The following PDS5B variants were observed in gnomAD, a reference collection of about 807,000 sequenced individuals.
PDS5B encodes PDS5 cohesin associated factor B.
In PDS5B, 51 loss-of-function variants were observed where a neutral mutation model predicts 184.1. That is an observed-to-expected ratio of 0.28 (90% CI 0.22 to 0.35). The LOEUF (loss-of-function observed/expected upper bound fraction) is 0.35, where lower values mean the gene tolerates loss of function less well. PDS5B is among the 10% of genes least tolerant of loss of function. The pLI, the probability that PDS5B is intolerant of heterozygous loss-of-function variation, is 1.00. For synonymous variants in PDS5B, 566 were observed against 569.2 expected, an observed-to-expected ratio of 0.99 and a Z score of 0.08; for missense variants, 1,180 against 1,723.3, an observed-to-expected ratio of 0.68 and a Z score of 5.58.
Position 32,678,693 on chromosome 13 carries a change from T to A in PDS5B, c.963-142T>A, listed in dbSNP as rs1208185144. 1.0e-5 allele frequency: 6 copies of A among 585,574 alleles called. No homozygotes were observed. In the African/African-American group the frequency reaches 1.1e-4, roughly 11 times the overall value. 36.3% of individuals were successfully genotyped at this position (585,574 alleles called of 1,614,324 possible). ...AGACATACATGTATATCAGAAACTT[T>A]GTAAAATGGTTTGGTTCTACTTTGC... On this transcript the variant is annotated intron_variant, in intron 9 of 34. Coordinates refer to ENST00000315596, the MANE Select transcript of PDS5B (RefSeq NM_015032.4).
At chr13:32,604,225 CTCT>C (rs1393526295) in intron 1 of PDS5B, among the ~76,000 whole-genome samples, 1 of 152,106 alleles carries the variant, frequency 6.6e-6, no homozygotes, top group Non-Finnish European at 1.5e-5. Flanking sequence ...TCATAAATAG[CTCT>C]TCTTATTGTG....
intron 6 of PDS5B, among the ~76,000 whole-genome samples, chr13:32,663,494 AAGAC>A (rs753072084): frequency 6.6e-6 from 1 of 152,198 alleles, no homozygotes; most frequent in Non-Finnish European, 1.5e-5. Context: ...ATCAAAGAGA[AAGAC>A]AAATTTTAAT....
At chr13:32,686,463 A>C (rs1951393835) in intron 11 of PDS5B, among the ~76,000 whole-genome samples, 1 of 152,154 alleles carries the variant, frequency 6.6e-6, no homozygotes, top group South Asian at 2.1e-4. Flanking sequence ...GGGTTTATCC[A>C]TTTAATTCTG....
chr13:32,749,504 ATTAC>A (rs1042742810), intron 24 of PDS5B, among the ~76,000 whole-genome samples: 20 of 150,764 alleles, frequency 1.3e-4, no homozygotes, highest in African/African-American at 3.2e-4. Context: ...TAATTTAATA[ATTAC>A]TTAGATATTT....
At chr13:32,713,268 A>G (rs1298864433) in intron 19 of PDS5B, among the ~76,000 whole-genome samples, 1 of 152,218 alleles carries the variant, frequency 6.6e-6, no homozygotes, top group African/African-American at 2.4e-5. Flanking sequence ...GTCATCCGGG[A>G]GATGCTAACT....
intron 1 of PDS5B, among the ~76,000 whole-genome samples, chr13:32,625,869 G>T (rs890310558): frequency 2.1e-5 from 3 of 145,416 alleles, no homozygotes; most frequent in African/African-American, 7.7e-5. Context: ...ACAGGGTCTC[G>T]CTTTGTTGCC....
Position 32,759,701 on chromosome 13 carries a change from A to C in PDS5B, c.3372+11A>C. 6.8e-7 allele frequency: 1 copy of C among 1,472,376 alleles called. No homozygotes were observed. The highest frequency in any genetic ancestry group is 9.4e-7 in the Non-Finnish European group (1 of 1,065,226). The allele number at this position is 1,472,376 out of a possible 1,614,324, so 91.2% of individuals were successfully genotyped here. A position where few individuals can be genotyped will look rare whatever the true frequency, so the allele number is the denominator to read the frequency against. On this transcript the variant is annotated intron_variant, in intron 29 of 34. Transcript: ENST00000315596. ...TTCACTCCTGGAAAAGTATGTTTTG[A>C]GAATCATTTTAATTTTTATGTGGTA...
chr13:32,719,472 C>T (rs972056558), intron 19 of PDS5B, among the ~76,000 whole-genome samples: 1 of 151,712 alleles, frequency 6.6e-6, no homozygotes, highest in African/African-American at 2.4e-5. Flanking sequence ...CATGAGCCAC[C>T]ATGCCTGGCC....
At chr13:32,745,913 T>C (rs1266080244) in intron 23 of PDS5B, 64 bp from the exon 24 acceptor site, 3 of 1,286,032 alleles carry the variant, frequency 2.3e-6, no homozygotes, top group Non-Finnish European at 3.3e-6. Context: ...TAAAATTAGA[T>C]GTACAGAAGA....
intron 15 of PDS5B, 71 bp downstream of exon 15, chr13:32,696,973 A>C: frequency 2.1e-6 from 2 of 974,364 alleles, no homozygotes; most frequent in Non-Finnish European, 3.1e-6. Flanking sequence ...TAAGTGTTTC[A>C]TGCAGTTTTG....
chr13:32,768,970 ATT>A (rs1323906442), intron 31 of PDS5B, among the ~76,000 whole-genome samples: 2 of 129,398 alleles, frequency 1.5e-5, no homozygotes, highest in East Asian at 2.1e-4. Context: ...AAAAAAAAAA[ATT>A]AGCCAGGCGT....
At chr13:32,591,217 C>G (rs1287776428) in intron 1 of PDS5B, among the ~76,000 whole-genome samples, 1 of 152,056 alleles carries the variant, frequency 6.6e-6, no homozygotes, top group Non-Finnish European at 1.5e-5. Flanking sequence ...CAACCTCCAC[C>G]TCCTGGGTTC....
intron 1 of PDS5B, among the ~76,000 whole-genome samples, chr13:32,610,617 T>A (rs991987189): frequency 9.4e-5 from 5 of 53,160 alleles, no homozygotes; most frequent in East Asian, 2.8e-4. Flanking sequence ...TTGAACCAAA[T>A]TTTTTTTTTT....
chr13:32,751,123 C>G (rs1953967838), intron 24 of PDS5B, among the ~76,000 whole-genome samples: 1 of 152,164 alleles, frequency 6.6e-6, no homozygotes, highest in African/African-American at 2.4e-5. Flanking sequence ...CAAGTGAGAA[C>G]AGCAGTATTT....
chr13:32,619,477 T>TA (rs2058265096), intron 1 of PDS5B, among the ~76,000 whole-genome samples: 1 of 152,210 alleles, frequency 6.6e-6, no homozygotes, highest in Non-Finnish European at 1.5e-5. Flanking sequence ...GTAGAGCACT[T>TA]ACCATGAATA....
intron 6 of PDS5B, among the ~76,000 whole-genome samples, chr13:32,665,931 C>G (rs1010178159): frequency 6.6e-6 from 1 of 151,994 alleles, no homozygotes; most frequent in South Asian, 2.1e-4. Flanking sequence ...TGTTTTCACT[C>G]GTGGGGGCTA....
intron 1 of PDS5B, among the ~76,000 whole-genome samples, chr13:32,628,660 T>G (rs1280500574): frequency 2.6e-5 from 4 of 152,210 alleles, no homozygotes; most frequent in African/African-American, 9.7e-5. Context: ...TATGTTATAT[T>G]TGGTGTTTAT....
Position 32,687,172 on chromosome 13 carries a change from A to G in PDS5B, c.1242A>G (p.Gln414=), listed in dbSNP as rs760135184. ...AAGAAGCCATGATGGGACTTGCCCAAATTTATAAGAAATATGCTTTACAGT... is the reference window on the plus strand; with the variant it reads ...AAGAAGCCATGATGGGACTTGCCCAGATTTATAAGAAATATGCTTTACAGT... ...VRKEAMMGLA[Q]IYKKYALQSA... The change falls in exon 12 of 35, where the codon CAA becomes CAG. Residue 414 remains glutamine (Q), a synonymous_variant. Transcript: ENST00000315596. The G allele has an allele frequency of 1.6e-5, 26 of 1,607,092 alleles. No homozygotes were observed. Among genetic ancestry groups the G allele is most frequent in the Non-Finnish European group, 2.0e-5 (24 of 1,178,266 alleles).
At chr13:32,737,291 C>T (rs1355095854) in intron 21 of PDS5B, among the ~76,000 whole-genome samples, 1 of 152,126 alleles carries the variant, frequency 6.6e-6, no homozygotes, top group Non-Finnish European at 1.5e-5. Context: ...CAGTTTTGGA[C>T]AAGCTTATTA....
Sources: gnomAD v4.1 joint callset for allele counts (sites outside exome capture counted in the v4.1 genomes callset) on GRCh38, gnomAD v4.1.1 for gene constraint, MANE v1.5 for transcripts, NCBI Gene and HGNC (gene_info 2026-07-23, HGNC 2026-07-21) for gene names.